The following DNAH3 variants were observed in gnomAD, a reference collection of about 807,000 sequenced individuals.
DNAH3 encodes the protein axonemal beta dynein heavy chain 3.
A neutral mutation model predicts 432.5 loss-of-function variants in DNAH3; 332 were observed. The ratio of observed to expected loss-of-function variants is 0.77; its 90% CI spans 0.70 to 0.84. DNAH3 has a LOEUF of 0.84. Ranked by LOEUF, DNAH3 falls within the 40% of genes least tolerant of loss-of-function variation. The pLI is 0.00. For missense variants in DNAH3, 4,861 were observed against 5,114.0 expected (o/e 0.95, Z 1.51); for synonymous variants, 1,956 against 1,900.2 (o/e 1.03, Z -0.76).
At chr16:21,096,646 GT>G (rs146619382) in intron 18 of DNAH3, among the ~76,000 whole-genome samples, 63 of 151,398 alleles carry the variant, frequency 4.2e-4, no homozygotes, top group Non-Finnish European at 7.5e-4. Context: ...AAGTTGATGG[GT>G]TTTTTTTTAT....
chr16:20,978,006 G>A (rs2085673851), intron 50 of DNAH3, among the ~76,000 whole-genome samples: 1 of 152,196 alleles, frequency 6.6e-6, no homozygotes, highest in Non-Finnish European at 1.5e-5. Flanking sequence ...TGTACACAGA[G>A]CCAAGCTCTG....
At chr16:20,962,571 G>T (rs2084875251) in intron 53 of DNAH3, among the ~76,000 whole-genome samples, 2 of 152,210 alleles carry the variant, frequency 1.3e-5, no homozygotes, top group Non-Finnish European at 2.9e-5. Flanking sequence ...CAGCCAGACA[G>T]TATGGATCTC....
At chr16:21,062,611 C>A (rs374099468) in exon 25 of DNAH3, 1 of 1,614,052 alleles carries the variant, frequency 6.2e-7, no homozygotes, top group African/African-American at 1.3e-5. Context: ...TCTTCAAGTG[C>A]GGCTGCACTC....
At chr16:20,994,438 T>C (rs534753040) in intron 44 of DNAH3, among the ~76,000 whole-genome samples, 1 of 152,222 alleles carries the variant, frequency 6.6e-6, no homozygotes, top group East Asian at 1.9e-4. Flanking sequence ...TCTCAAAATA[T>C]AAATTAATTA....
chr16:21,084,015 C>T (rs755181696), intron 19 of DNAH3, among the ~76,000 whole-genome samples: 7 of 152,126 alleles, frequency 4.6e-5, no homozygotes, highest in Non-Finnish European at 8.8e-5. Context: ...CCCTACTGCC[C>T]GCTCCCTTCC....
intron 25 of DNAH3, among the ~76,000 whole-genome samples, chr16:21,061,354 G>C (rs529827383): frequency 6.7e-6 from 1 of 148,792 alleles, no homozygotes; most frequent in East Asian, 2.0e-4. Context: ...TCCTGCCTCA[G>C]CCTCCCAAGT....
intron 35 of DNAH3, among the ~76,000 whole-genome samples, chr16:21,036,416 TTTC>T (rs1381351964): frequency 2.6e-4 from 40 of 152,240 alleles, no homozygotes; most frequent in Middle Eastern, 6.8e-3. Context: ...CCTCCATTTC[TTTC>T]TTCTTTTTTT....
intron 37 of DNAH3, among the ~76,000 whole-genome samples, chr16:21,027,344 G>A (rs2088622310): frequency 6.6e-6 from 1 of 152,194 alleles, no homozygotes; most frequent in Non-Finnish European, 1.5e-5. Context: ...TCTGGGAGAT[G>A]ACAGACAATA....
At chr16:21,098,856 T>C (rs2091763933) in intron 16 of DNAH3, 87 bp from the exon 17 acceptor site, 1 of 1,390,736 alleles carries the variant, frequency 7.2e-7, no homozygotes, top group Non-Finnish European at 9.7e-7. Flanking sequence ...TATTTAAGCC[T>C]GCAGACAATT....
At chr16:21,104,579 A>G (rs1423036288) in intron 15 of DNAH3, 2 of 1,593,526 alleles carry the variant, frequency 1.3e-6, no homozygotes, top group Admixed American at 3.3e-5. Flanking sequence ...AGTGCTGTTC[A>G]ATTTGATGTC....
intron 24 of DNAH3, among the ~76,000 whole-genome samples, chr16:21,066,558 G>A (rs2090558109): frequency 6.6e-6 from 1 of 151,916 alleles, no homozygotes; most frequent in East Asian, 1.9e-4. Flanking sequence ...TTGTAGAGGT[G>A]GAATTTCCCC....
chr16:21,093,513 T>C (rs1356597364), intron 18 of DNAH3, among the ~76,000 whole-genome samples: 3 of 152,214 alleles, frequency 2.0e-5, no homozygotes, highest in African/African-American at 7.2e-5. Context: ...AATTTATCTA[T>C]AGATTTAAAA....
At chr16:21,116,375 TGAGTTCTCACGA>T (rs1446935425) in intron 12 of DNAH3, among the ~76,000 whole-genome samples, 1 of 152,006 alleles carries the variant, frequency 6.6e-6, no homozygotes, top group Non-Finnish European at 1.5e-5. Context: ...CTCGTGACAG[TGAGTTCTCACGA>T]GATCTGATGG....
Position 21,090,068 on chromosome 16 carries a change from A to AT in DNAH3, c.2666-3009dup, listed in dbSNP as rs147372472. ...CAACTCAATGTACATAAATTAGACC[A>AT]TTTTTTTTTAAAATGAAGCCATTCT... On this transcript the variant is annotated intron_variant, in intron 18 of 61. Transcript: ENST00000261383. 5.9e-3 allele frequency among the ~76,000 whole-genome samples: 893 copies of AT among 151,382 alleles called. 2 individuals carry two copies. Among genetic ancestry groups the AT allele is most frequent in the Middle Eastern group, 0.017 (5 of 294 alleles).
chr16:20,957,928 T>G (rs2084646302), intron 54 of DNAH3, among the ~76,000 whole-genome samples: 1 of 146,376 alleles, frequency 6.8e-6, no homozygotes, highest in Non-Finnish European at 1.5e-5. Context: ...ATGCAAAAAC[T>G]GAGGTTTAGC....
intron 56 of DNAH3, among the ~76,000 whole-genome samples, chr16:20,950,036 C>T (rs1040030539): frequency 7.2e-5 from 11 of 152,154 alleles, no homozygotes; most frequent in Admixed American, 2.0e-4. Flanking sequence ...GTTTTAGAGA[C>T]GGGATCTTGC....
At chr16:21,034,031 C>T (rs1333521062) in exon 36 of DNAH3, 13 of 1,613,740 alleles carry the variant, frequency 8.1e-6, no homozygotes, top group Admixed American at 1.7e-5. Context: ...GTCTTGCCGC[C>T]CATGGGGTCT....
chr16:21,098,738 A>T, exon 17 of DNAH3: 1 of 1,613,050 alleles, frequency 6.2e-7, no homozygotes, highest in Non-Finnish European at 8.5e-7. Flanking sequence ...TCTCTGTGGT[A>T]GCCCTCAAGT....
Position 20,980,087 on chromosome 16 carries a change from CCCT to C in DNAH3, c.7860-544_7860-542del, listed in dbSNP as rs2085788606. Among the ~76,000 whole-genome samples, 4 of 150,762 alleles carry C rather than the reference CCCT, an allele frequency of 2.7e-5. No homozygotes were observed. In the Admixed American group the frequency reaches 2.7e-4, roughly 10 times the overall value. On this transcript the variant is annotated intron_variant, in intron 49 of 61. Coordinates refer to ENST00000261383, the Ensembl canonical transcript of DNAH3. ...TGATCAAGTCATTTCTATCACTGAT[CCCT>C]TTGATGAATCACCAGGGCTTAAGCA... is the stretch of plus-strand genomic sequence containing the variant.
Sources: gnomAD v4.1 joint callset for allele counts (sites outside exome capture counted in the v4.1 genomes callset) on GRCh38, gnomAD v4.1.1 for gene constraint, MANE v1.5 for transcripts, NCBI Gene and HGNC (gene_info 2026-07-23, HGNC 2026-07-21) for gene names.